SARDH: variants seen among roughly 807,000 people sequenced by gnomAD.
SARDH encodes sarcosine dehydrogenase.
SARDH carries 95 observed loss-of-function variants against 109.1 expected under a neutral mutation model. That is an observed-to-expected ratio of 0.87 (90% CI 0.74 to 1.03). The LOEUF is 1.03. Among genes scored for constraint, SARDH ranks in the 50% least tolerant of loss-of-function variants. The probability of loss-of-function intolerance (pLI) is 0.00; values close to 1 mark genes in which losing one functional copy is unlikely to be tolerated. For missense variants in SARDH, 1,267 were observed against 1,287.8 expected (o/e 0.98, Z 0.25); for synonymous variants, 572 against 534.8 (o/e 1.07, Z -0.96).
At chr9:133,720,646 AAG>A (rs35425856) in intron 6 of SARDH, among the ~76,000 whole-genome samples, 10 of 151,920 alleles carry the variant, frequency 6.6e-5, no homozygotes, top group South Asian at 4.2e-4. Context: ...GGCAGCAGGA[AAG>A]AGAGAGAGAG....
Position 133,730,191 on chromosome 9 carries a change from G to A in SARDH, c.691-4C>T, listed in dbSNP as rs377565836. On this transcript the variant is annotated splice_polypyrimidine_tract_variant and splice_region_variant and intron_variant, in intron 4 of 20. Coordinates refer to ENST00000439388, the MANE Select transcript of SARDH (RefSeq NM_001134707.2). ...TCACTGGGCAGTTCTCAATGACCTG[G>A]AATTGAGAGGAACTGCTTCTAAAAT... 9.4e-5 allele frequency: 152 copies of A among 1,614,064 alleles called. No individual in the cohort carries two copies. The highest frequency in any genetic ancestry group is 6.7e-4 in the African/African-American group (50 of 75,034).
chr9:133,703,024 G>C lies in SARDH; in HGVS notation c.1560C>G (p.Leu520=), dbSNP rs769094394. The change falls in exon 13 of 21, where the codon CTC becomes CTG. Residue 520 remains leucine, a synonymous_variant. Transcript: ENST00000439388. The stretch of plus-strand genomic sequence containing the variant: ...CGTAAGCCCCGTAGTAGTCGTACTC[G>C]AGGACCTGGGAAGAAAAGACGTGGT... ...WFHPRGPAPV[L]EYDYYGAYGS... 6.2e-6 allele frequency: 10 copies of C among 1,612,446 alleles called. No homozygotes were observed. In the South Asian group the frequency reaches 8.8e-5, roughly 14 times the overall value.
chr9:133,728,007 C>A lies in SARDH; in HGVS notation c.915+1758G>T, dbSNP rs980230656. Among the ~76,000 whole-genome samples, 2 of 152,122 alleles carry A rather than the reference C, an allele frequency of 1.3e-5. No individual in the cohort carries two copies. The highest frequency in any genetic ancestry group is 4.8e-5 in the African/African-American group (2 of 41,424). On this transcript the variant is annotated intron_variant, in intron 6 of 20. Transcript: ENST00000439388. The surrounding 1 kb of genome is among the most constrained non-coding windows in gnomAD (Gnocchi z 5.0). ...GAACCCACTGAGACCTGAGCGTGAC[C>A]CCTGGCGGCCACCTAGGGGAGGAGG...
intron 2 of SARDH, among the ~76,000 whole-genome samples, chr9:133,733,109 C>T (rs1017084651): frequency 1.3e-5 from 2 of 152,212 alleles, no homozygotes; most frequent in African/African-American, 2.4e-5. Context: ...AGGGAAGAGG[C>T]TATGACAGCC....
Position 133,703,008 on chromosome 9 carries a change from C to CGTAGTAGT in SARDH, c.1568_1575dup (p.Gly526ThrfsTer99), listed in dbSNP as rs1021628244. The CGTAGTAGT allele has an allele frequency of 2.5e-5, 40 of 1,613,232 alleles. No individual in the cohort carries two copies. Among genetic ancestry groups the CGTAGTAGT allele is most frequent in the Non-Finnish European group, 3.1e-5 (36 of 1,179,958 alleles). On this transcript the variant is annotated frameshift_variant, in exon 13 of 21. Coordinates refer to ENST00000439388, the MANE Select transcript of SARDH (RefSeq NM_001134707.2). LOFTEE classifies it high-confidence loss of function. ...TCGTGCGCGCGGCTCCCGTAAGCCC[C>CGTAGTAGT]GTAGTAGTCGTACTCGAGGACCTGG...
chr9:133,727,890 G>C (rs1423529905), intron 6 of SARDH, among the ~76,000 whole-genome samples: 1 of 152,104 alleles, frequency 6.6e-6, no homozygotes, highest in Non-Finnish European at 1.5e-5. Flanking sequence ...GAGGAATTAG[G>C]GATGGAGGAT....
In SARDH at chr9:133,704,937, G is replaced by T; in HGVS notation, c.1554+11C>A. 3 of 1,569,268 alleles carry T rather than the reference G, an allele frequency of 1.9e-6. No individual in the cohort carries two copies. Among genetic ancestry groups the T allele is most frequent in the Non-Finnish European group, 2.6e-6 (3 of 1,157,096 alleles). On this transcript the variant is annotated intron_variant, in intron 12 of 20. Transcript: ENST00000439388. This position sits in a 1 kb window ranked among gnomAD's most constrained non-coding sequence, Gnocchi z 4.5. ...GCCTCCCAGCAGCACAGCCCAGCAG[G>T]CACTACTCACCGGAGCTGGGCCTCG...
intron 16 of SARDH, 22 bp from the exon 17 acceptor site, chr9:133,685,308 C>G (rs1411434133): frequency 6.2e-7 from 1 of 1,608,796 alleles, no homozygotes; most frequent in Admixed American, 1.7e-5. Flanking sequence ...AGCAAAGTCG[C>G]TCAGTCAGCA....
rs1011797482 is a variant in SARDH, at chr9:133,693,398, GC to G, written c.1921+859del. ...TCCCAGTGAGGAAACAACTACATTTGCCAGCAGCACGGAGTCAGGTCAAGAA... is the reference window on the plus strand; with the variant it reads ...TCCCAGTGAGGAAACAACTACATTTGCAGCAGCACGGAGTCAGGTCAAGAA... On this transcript the variant is annotated intron_variant, in intron 15 of 20. Transcript: ENST00000439388. The surrounding 1 kb of genome is among the most constrained non-coding windows in gnomAD (Gnocchi z 5.6). Among the ~76,000 whole-genome samples, 217 of 152,248 alleles carry G rather than the reference GC, an allele frequency of 1.4e-3. 1 individual carries two copies. Among genetic ancestry groups the G allele is most frequent in the African/African-American group, 5.1e-3 (211 of 41,536 alleles).
Position 133,666,685 on chromosome 9 carries a change from C to A in SARDH, c.2631+50G>T, listed in dbSNP as rs202242612. ...TGCAGTGCAGGGAGCTGGTTTGGAG[C>A]TGGTGAGGGATCGGCATCTGCCTTA... On this transcript the variant is annotated intron_variant, in intron 20 of 20. Transcript: ENST00000439388. This position sits in a 1 kb window ranked among gnomAD's most constrained non-coding sequence, Gnocchi z 5.2. The A allele has an allele frequency of 3.0e-4, 459 of 1,555,602 alleles. 1 individual carries two copies. The highest frequency in any genetic ancestry group is 7.2e-4 in the Admixed American group (37 of 51,488).
chr9:133,690,385 T>G lies in SARDH; in HGVS notation c.2064A>C (p.Pro688=). The change falls in exon 16 of 21, where the codon CCA becomes CCC. Residue 688 remains proline, a synonymous_variant. Transcript: ENST00000439388. The part of the protein sequence containing the change: ...EDLGMISIQG[P]ASRAILQEVL... The stretch of plus-strand genomic sequence containing the variant: ...GGCTCCCAGTCCTCTCTCACCTGGC[T>G]GGGCCCTGGATACTGATCATACCCA... The G allele has an allele frequency of 6.2e-7, 1 of 1,609,986 alleles. No individual in the cohort carries two copies. The highest frequency in any genetic ancestry group is 8.5e-7 in the Non-Finnish European group (1 of 1,177,648).
At chr9:133,706,612 T>C (rs1831704834) in intron 11 of SARDH, among the ~76,000 whole-genome samples, 1 of 152,254 alleles carries the variant, frequency 6.6e-6, no homozygotes, top group African/African-American at 2.4e-5. Flanking sequence ...TTTTAAGATC[T>C]GCCTACTTAA....
chr9:133,672,411 C>T (rs761832500), intron 17 of SARDH, among the ~76,000 whole-genome samples: 1 of 152,344 alleles, frequency 6.6e-6, no homozygotes, highest in South Asian at 2.1e-4. Flanking sequence ...ATTCAGTCCA[C>T]AGCAGTGACC....
At chr9:133,662,821 G>A (rs1422014848), downstream of SARDH, among the ~76,000 whole-genome samples, 3 of 152,218 alleles carry the variant, frequency 2.0e-5, no homozygotes, top group Non-Finnish European at 4.4e-5. This position sits in a 1 kb window ranked among gnomAD's most constrained non-coding sequence, Gnocchi z 5.1. Context: ...ACTGCGCAGT[G>A]CCGCTCTGAC....
chr9:133,711,633 C>T (rs1831922435), intron 10 of SARDH, among the ~76,000 whole-genome samples: 1 of 152,126 alleles, frequency 6.6e-6, no homozygotes, highest in Non-Finnish European at 1.5e-5. Flanking sequence ...GCGTAATGTC[C>T]TCATCAGGCC....
At chr9:133,691,904 C>T (rs1382332139) in intron 15 of SARDH, among the ~76,000 whole-genome samples, 1 of 152,190 alleles carries the variant, frequency 6.6e-6, no homozygotes, top group East Asian at 1.9e-4. Flanking sequence ...TAACTCCACA[C>T]CCACCAAGTG....
chr9:133,736,516 C>A (rs1832891567), intron 1 of SARDH, among the ~76,000 whole-genome samples: 3 of 152,206 alleles, frequency 2.0e-5, no homozygotes, highest in Non-Finnish European at 4.4e-5. Flanking sequence ...CCACCTCAGC[C>A]TCTCGAGTAG....
intron 14 of SARDH, among the ~76,000 whole-genome samples, chr9:133,695,809 CA>C (rs1279298032): frequency 6.6e-6 from 1 of 152,154 alleles, no homozygotes; most frequent in Non-Finnish European, 1.5e-5. Flanking sequence ...GACATACTTA[CA>C]TTAAAAATGA....
chr9:133,673,461 G>C (rs535142321), intron 17 of SARDH, among the ~76,000 whole-genome samples: 1 of 152,334 alleles, frequency 6.6e-6, no homozygotes, highest in South Asian at 2.1e-4. Context: ...TACAGCTCCC[G>C]CTGGGATACG....
Sources: gnomAD v4.1 joint callset for allele counts (sites outside exome capture counted in the v4.1 genomes callset) on GRCh38, gnomAD v4.1.1 for gene constraint, Gnocchi (gnomAD v3.1) non-coding constraint, MANE v1.5 for transcripts, NCBI Gene and HGNC (gene_info 2026-07-23, HGNC 2026-07-21) for gene names.